CRB1: variants seen among roughly 807,000 people sequenced by gnomAD.
CRB1 encodes the protein protein crumbs homolog 1.
In CRB1, 83 loss-of-function variants were observed where a neutral mutation model predicts 120.0. The observed-to-expected ratio is 0.69, with a 90% CI of 0.58 to 0.83. CRB1 has a LOEUF of 0.83. Ranked by LOEUF, CRB1 falls within the 40% of genes least tolerant of loss-of-function variation. The pLI, the probability that CRB1 is intolerant of heterozygous loss-of-function variation, is 0.00. For missense variants in CRB1, 1,699 were observed against 1,687.6 expected (o/e 1.01, Z -0.12); for synonymous variants, 625 against 612.5 (o/e 1.02, Z -0.30).
At chr1:197,355,290 C>T (rs1405606235) in intron 4 of CRB1, among the ~76,000 whole-genome samples, 1 of 152,226 alleles carries the variant, frequency 6.6e-6, no homozygotes, top group African/African-American at 2.4e-5. Context: ...AATCCCTTAG[C>T]TAGACATAAT....
In CRB1 at chr1:197,422,721, T is replaced by A. The variant is rs1174709947; in HGVS notation, c.2128+765T>A. 3 of 152,194 alleles carry A rather than the reference T, an allele frequency of 2.0e-5. No individual in the cohort carries two copies. The South Asian group carries it at 6.2e-4, about 32-fold the overall frequency. 9.4% of individuals were successfully genotyped at this position (152,194 alleles called of 1,614,324 possible). ...ATAGTGATCAATATATACCTGTTTC[T>A]TTTTATTATTATTATCATACATTGA... On this transcript the variant is annotated intron_variant, in intron 6 of 11. Coordinates refer to ENST00000367400, the MANE Select transcript of CRB1 (RefSeq NM_201253.3).
At chr1:197,420,404 G>T (rs1180071754) in intron 5 of CRB1, among the ~76,000 whole-genome samples, 5 of 152,144 alleles carry the variant, frequency 3.3e-5, no homozygotes, top group Non-Finnish European at 7.3e-5. Context: ...GCTTGTTATG[G>T]TATAGACATC....
upstream of CRB1, among the ~76,000 whole-genome samples, chr1:197,263,410 T>C (rs1019177565): frequency 1.4e-4 from 22 of 152,150 alleles, no homozygotes; most frequent in Admixed American, 6.5e-5. Context: ...AAGTTCCTTA[T>C]AGATTCTGGA....
chr1:197,252,568 ATATATATATATATATG>A, the CRB1 span, among the ~76,000 whole-genome samples: 118 of 46,884 alleles, frequency 2.5e-3, no homozygotes, highest in African/African-American at 7.1e-3. Context: ...ATATATATAT[ATATATATATATATATG>A]TGTGTGTGTG....
Position 197,299,298 on chromosome 1 carries a change from A to G in CRB1, c.71-29124A>G, listed in dbSNP as rs145260109. Among the ~76,000 whole-genome samples, 3 of 152,312 alleles carry G rather than the reference A, an allele frequency of 2.0e-5. No homozygotes were observed. In the East Asian group the frequency reaches 5.8e-4, roughly 29 times the overall value. ...GGAAATGCAAGTTCAGATCACAGAT[A>G]AATGCCATTTTGCATCTAGATTGGT... On this transcript the variant is annotated intron_variant, in intron 1 of 11. Coordinates refer to ENST00000367400, the MANE Select transcript of CRB1 (RefSeq NM_201253.3).
Position 197,434,738 on chromosome 1 carries a change from G to A in CRB1, c.2875G>A (p.Gly959Ser), listed in dbSNP as rs557111131. The A allele has an allele frequency of 4.4e-5, 71 of 1,613,340 alleles. No individual in the cohort carries two copies. The highest frequency in any genetic ancestry group is 1.7e-4 in the Middle Eastern group (1 of 6,054). Residue 959 changes from glycine (G) to serine (S), a missense_variant, in exon 9 of 12, where the codon GGT becomes AGT. By Grantham distance (56) the Gly-to-Ser change is moderately conservative (BLOSUM62 0). Coordinates refer to ENST00000367400, the MANE Select transcript of CRB1 (RefSeq NM_201253.3). ...IANAVFNGQS[G>S]QILFRSNGNI... ...AAATGCTGTTTTTAATGGACAAAGCGGTCAAATATTATTCAGAAGCAATGG... is the reference window on the plus strand; with the variant it reads ...AAATGCTGTTTTTAATGGACAAAGCAGTCAAATATTATTCAGAAGCAATGG...
chr1:197,426,219 C>T (rs1425387849), intron 6 of CRB1, among the ~76,000 whole-genome samples: 1 of 151,924 alleles, frequency 6.6e-6, no homozygotes, highest in Non-Finnish European at 1.5e-5. Context: ...GAAAATCTGA[C>T]CACTTTTGAC....
rs553137636 is a variant in CRB1, at chr1:197,405,932, G to C, written c.1172-15068G>C. On this transcript the variant is annotated intron_variant, in intron 5 of 11. Transcript: ENST00000367400. ...GGGGTCAGCCCCCGCCAGGCCAGCC[G>C]TCCCGTCCGGGAGGGAGGTGGGGGG... 2.0e-5 allele frequency among the ~76,000 whole-genome samples: 3 copies of C among 150,908 alleles called. No individual in the cohort carries two copies. The East Asian group carries it at 6.0e-4, about 30-fold the overall frequency.
intron 11 of CRB1, among the ~76,000 whole-genome samples, chr1:197,463,494 A>G (rs773832148): frequency 6.6e-5 from 10 of 152,228 alleles, no homozygotes; most frequent in Non-Finnish European, 1.2e-4. Context: ...GTCTGCAGAT[A>G]TGCCAACTAA....
At chr1:197,309,536 G>A (rs1571812599) in intron 1 of CRB1, among the ~76,000 whole-genome samples, 1 of 151,964 alleles carries the variant, frequency 6.6e-6, no homozygotes, top group Admixed American at 6.6e-5. Flanking sequence ...GGGCGGATCA[G>A]GAGGTCAGGA....
intron 11 of CRB1, among the ~76,000 whole-genome samples, chr1:197,457,987 T>C (rs1421126623): frequency 2.0e-5 from 3 of 152,122 alleles, no homozygotes; most frequent in Non-Finnish European, 2.9e-5. Context: ...TGATTATTAG[T>C]TCTTCTTAAC....
chr1:197,224,525 C>T, the CRB1 span, among the ~76,000 whole-genome samples: 9 of 152,192 alleles, frequency 5.9e-5, no homozygotes, highest in African/African-American at 2.2e-4. Context: ...TTTCATGAAA[C>T]TTTAAATAAA....
At chr1:197,255,341 A>G in the CRB1 span, among the ~76,000 whole-genome samples, 1 of 152,042 alleles carries the variant, frequency 6.6e-6, no homozygotes, top group Non-Finnish European at 1.5e-5. Context: ...CCACACCACC[A>G]TAGTTCCATT....
chr1:197,307,295 T>G (rs1657230364), intron 1 of CRB1, among the ~76,000 whole-genome samples: 1 of 152,324 alleles, frequency 6.6e-6, no homozygotes, highest in African/African-American at 2.4e-5. Context: ...CATTGGTTTT[T>G]ACAACTGCAA....
chr1:197,251,294 A>C, the CRB1 span, among the ~76,000 whole-genome samples: 1 of 152,022 alleles, frequency 6.6e-6, no homozygotes, highest in African/African-American at 2.4e-5. Context: ...TAATAAGCAC[A>C]ATAGAAGTGT....
At chr1:197,303,826 GA>G (rs1336006688) in intron 1 of CRB1, among the ~76,000 whole-genome samples, 1 of 151,950 alleles carries the variant, frequency 6.6e-6, no homozygotes, top group Non-Finnish European at 1.5e-5. Context: ...AAATGCTGTT[GA>G]AAACATACAT....
intron 5 of CRB1, among the ~76,000 whole-genome samples, chr1:197,362,974 T>C (rs1201435405): frequency 6.6e-6 from 1 of 152,136 alleles, no homozygotes; most frequent in Non-Finnish European, 1.5e-5. Context: ...ATGAATTAGT[T>C]GACTATTTTT....
intron 4 of CRB1, among the ~76,000 whole-genome samples, chr1:197,355,611 T>G (rs1660429110): frequency 6.6e-6 from 1 of 152,274 alleles, no homozygotes; most frequent in African/African-American, 2.4e-5. Context: ...TGGGGGCTCC[T>G]GCGTACCCTC....
intron 4 of CRB1, among the ~76,000 whole-genome samples, chr1:197,349,993 G>A (rs865882887): frequency 2.6e-5 from 4 of 151,674 alleles, no homozygotes; most frequent in African/African-American, 7.3e-5. Context: ...CCAGCTACTC[G>A]GGAGGCTGAG....
Sources: gnomAD v4.1 joint callset for allele counts (sites outside exome capture counted in the v4.1 genomes callset) on GRCh38, gnomAD v4.1.1 for gene constraint, MANE v1.5 for transcripts, NCBI Gene and HGNC (gene_info 2026-07-23, HGNC 2026-07-21) for gene names.